CHRNB3: variants seen among roughly 807,000 people sequenced by gnomAD.
CHRNB3 encodes cholinergic receptor nicotinic beta 3 subunit.
A neutral mutation model predicts 40.6 loss-of-function variants in CHRNB3; 37 were observed. That is an observed-to-expected ratio of 0.91 (90% CI 0.70 to 1.20). The LOEUF (loss-of-function observed/expected upper bound fraction) is 1.20. Among genes scored for constraint, CHRNB3 ranks in the 50% most tolerant of loss-of-function variants. The probability of loss-of-function intolerance (pLI) is 0.00; values close to 1 mark genes in which losing one functional copy is unlikely to be tolerated. For missense variants in CHRNB3, 505 were observed against 551.2 expected, an observed-to-expected ratio of 0.92 and a Z score of 0.84; for synonymous variants, 207 against 207.1, an observed-to-expected ratio of 1.00 and a Z score of 0.00.
rs746346995 is a variant in CHRNB3 at position 42,697,546 on chromosome 8, G to A, written c.-1G>A. The A allele has an allele frequency of 9.9e-6, 16 of 1,612,412 alleles. No individual in the cohort carries two copies. The highest frequency in any genetic ancestry group is 2.2e-5 in the South Asian group (2 of 90,958). On this transcript the variant is annotated 5_prime_UTR_variant, in exon 1 of 6. Transcript: ENST00000289957. The stretch of plus-strand genomic sequence containing the variant: ...ACTGTCTTTCTGAAACTGACATCAC[G>A]ATGCTCCCAGATTTTATGCTGGTTC...
At chr8:42,709,178 G>C (rs937243239) in intron 2 of CHRNB3, among the ~76,000 whole-genome samples, 11 of 152,154 alleles carry the variant, frequency 7.2e-5, no homozygotes, top group Non-Finnish European at 1.6e-4. Flanking sequence ...GAACTGCAGA[G>C]AAGAGGGGCT....
chr8:42,697,847 A>T (rs529428474), intron 1 of CHRNB3, among the ~76,000 whole-genome samples: 84 of 152,174 alleles, frequency 5.5e-4, no homozygotes, highest in Non-Finnish European at 9.7e-4. Context: ...CTTCTGAATC[A>T]CTATGAGCTT....
intron 4 of CHRNB3, 128 bp downstream of exon 4, chr8:42,730,831 G>A (rs1427419921): frequency 3.4e-5 from 15 of 435,196 alleles, no homozygotes; most frequent in Admixed American, 1.9e-4. Flanking sequence ...GGTGGATCAT[G>A]AGGTCAGGAG....
At chr8:42,726,057 CT>C in intron 3 of CHRNB3, 1 of 952,564 alleles carries the variant, frequency 1.0e-6, no homozygotes. Flanking sequence ...CACCAGGAAT[CT>C]TGTAGGAATG....
At chr8:42,698,603 C>T (rs1232628241) in intron 1 of CHRNB3, among the ~76,000 whole-genome samples, 1 of 152,142 alleles carries the variant, frequency 6.6e-6, no homozygotes, top group Non-Finnish European at 1.5e-5. Context: ...ACCAAGGACT[C>T]AAAGTCAAAC....
chr8:42,730,196 T>C (rs949799476), intron 3 of CHRNB3, among the ~76,000 whole-genome samples: 5 of 152,170 alleles, frequency 3.3e-5, no homozygotes, highest in Admixed American at 3.3e-4. Context: ...TTGTACCAGT[T>C]AGCATGTGAT....
intron 3 of CHRNB3, chr8:42,726,000 G>T: frequency 1.7e-6 from 2 of 1,143,590 alleles, no homozygotes; most frequent in Non-Finnish European, 2.6e-6. Context: ...ATTCCAAGGT[G>T]TGGTTTCACT....
chr8:42,730,946 G>T (rs1289507306), intron 4 of CHRNB3, among the ~76,000 whole-genome samples: 1 of 147,634 alleles, frequency 6.8e-6, no homozygotes, highest in Non-Finnish European at 1.5e-5. Flanking sequence ...TACTCGGGAG[G>T]CTGAGGCAGG....
chr8:42,700,334 G>T (rs1377703468), intron 1 of CHRNB3, among the ~76,000 whole-genome samples: 1 of 135,144 alleles, frequency 7.4e-6, no homozygotes, highest in Non-Finnish European at 1.6e-5. Flanking sequence ...GTTTTTTGTG[G>T]TTTTTTTGAG....
intron 1 of CHRNB3, among the ~76,000 whole-genome samples, chr8:42,708,398 G>A (rs1048205579): frequency 6.6e-6 from 1 of 152,090 alleles, no homozygotes; most frequent in African/African-American, 2.4e-5. Flanking sequence ...CCCTGGAGGC[G>A]GAGCTTGCAG....
intron 3 of CHRNB3, among the ~76,000 whole-genome samples, chr8:42,716,482 G>A (rs1165654354): frequency 2.6e-5 from 4 of 152,104 alleles, no homozygotes; most frequent in Non-Finnish European, 5.9e-5. Context: ...CAAGGACAGC[G>A]GCAGCAGAGA....
intron 3 of CHRNB3, among the ~76,000 whole-genome samples, chr8:42,716,242 G>C (rs1342853522): frequency 2.0e-5 from 3 of 152,154 alleles, no homozygotes; most frequent in Admixed American, 2.0e-4. Flanking sequence ...CTCCCAGAGT[G>C]CTGGGATTAC....
At chr8:42,718,885 T>A (rs555848233) in intron 3 of CHRNB3, among the ~76,000 whole-genome samples, 1 of 152,064 alleles carries the variant, frequency 6.6e-6, no homozygotes, top group Non-Finnish European at 1.5e-5. Flanking sequence ...TGCAATTTTC[T>A]GAATGAGGAA....
intron 3 of CHRNB3, among the ~76,000 whole-genome samples, chr8:42,712,088 G>C (rs1448555111): frequency 1.3e-5 from 2 of 152,198 alleles, no homozygotes; most frequent in Non-Finnish European, 2.9e-5. Flanking sequence ...CGCCTCCCGG[G>C]TTCAAGCTAT....
intron 1 of CHRNB3, among the ~76,000 whole-genome samples, chr8:42,698,069 T>C (rs1181425894): frequency 6.6e-6 from 1 of 152,214 alleles, no homozygotes; most frequent in Non-Finnish European, 1.5e-5. Flanking sequence ...TAGGTAGATT[T>C]AGCATGTTTA....
chr8:42,722,166 G>A (rs561209126), intron 3 of CHRNB3, among the ~76,000 whole-genome samples: 12 of 152,000 alleles, frequency 7.9e-5, no homozygotes, highest in Non-Finnish European at 1.2e-4. Flanking sequence ...TTGAGGTCAG[G>A]AATTCGAGAC....
chr8:42,720,336 G>A (rs1429393545), intron 3 of CHRNB3, among the ~76,000 whole-genome samples: 15 of 151,760 alleles, frequency 9.9e-5, no homozygotes, highest in Middle Eastern at 6.8e-3. Context: ...GGATGGTCTC[G>A]ATCTCTTGAC....
chr8:42,708,494 CACAA>C (rs1187472671), intron 1 of CHRNB3, among the ~76,000 whole-genome samples: 2 of 151,852 alleles, frequency 1.3e-5, no homozygotes, highest in African/African-American at 4.8e-5. Flanking sequence ...CACACACACA[CACAA>C]ACAAAATGTG....
chr8:42,723,161 C>T (rs887383277), intron 3 of CHRNB3, among the ~76,000 whole-genome samples: 3 of 151,454 alleles, frequency 2.0e-5, no homozygotes, highest in African/African-American at 7.3e-5. Flanking sequence ...AATAGGATAC[C>T]TATTACCTAG....
Sources: gnomAD v4.1 joint callset for allele counts (sites outside exome capture counted in the v4.1 genomes callset) on GRCh38, gnomAD v4.1.1 for gene constraint, MANE v1.5 for transcripts, NCBI Gene and HGNC (gene_info 2026-07-23, HGNC 2026-07-21) for gene names.